The following FSTL5 variants were observed in gnomAD, a reference collection of about 807,000 sequenced individuals.
FSTL5 encodes follistatin like 5, also known as follistatin-related protein 5.
In FSTL5, 62 loss-of-function variants were observed where a neutral mutation model predicts 89.1. The observed-to-expected ratio is 0.70, with a 90% confidence interval of 0.57 to 0.86. FSTL5 has a LOEUF of 0.86. FSTL5 is among the 40% of genes least tolerant of loss of function. The pLI is 0.00. For synonymous variants in FSTL5, 383 were observed against 346.2 expected (o/e 1.11, Z -1.18); for missense variants, 1,057 against 1,001.6 (o/e 1.06, Z -0.75).
intron 8 of FSTL5, among the ~76,000 whole-genome samples, chr4:161,577,995 G>A (rs1009851967): frequency 6.6e-6 from 1 of 151,600 alleles, no homozygotes; most frequent in Non-Finnish European, 1.5e-5. Flanking sequence ...CTTTTTTAAA[G>A]TCTCAAAAAG....
At chr4:162,075,105 A>G (rs747009528) in intron 2 of FSTL5, among the ~76,000 whole-genome samples, 3 of 151,754 alleles carry the variant, frequency 2.0e-5, no homozygotes, top group Non-Finnish European at 4.4e-5. Context: ...TTAATATACA[A>G]TTTGGCCAAC....
chr4:161,697,055 G>A (rs543568808), intron 6 of FSTL5, among the ~76,000 whole-genome samples: 1 of 152,248 alleles, frequency 6.6e-6, no homozygotes, highest in Non-Finnish European at 1.5e-5. Flanking sequence ...AAGCCATTAA[G>A]TCAGCCTCTG....
chr4:162,024,525 T>C (rs372055471), intron 3 of FSTL5, among the ~76,000 whole-genome samples: 1 of 152,188 alleles, frequency 6.6e-6, no homozygotes, highest in East Asian at 1.9e-4. Flanking sequence ...AAGCTAACAT[T>C]ACCACAACAT....
At position 162,010,799 on chromosome 4, in the gene FSTL5, T is replaced by C. The variant is rs80319337; in HGVS notation, c.160+22826A>G. On this transcript the variant is annotated intron_variant, in intron 3 of 15. Transcript: ENST00000306100. ...CCTCATTTTTTATTACTGAATATTATACCATTGAATTAATACACCATATAT... is the reference window on the plus strand; with the variant it reads ...CCTCATTTTTTATTACTGAATATTACACCATTGAATTAATACACCATATAT... Among the ~76,000 whole-genome samples, 1,058 of 152,358 alleles carry C rather than the reference T, an allele frequency of 6.9e-3. 9 individuals carry two copies. Among genetic ancestry groups the C allele is most frequent in the African/African-American group, 0.024 (1,010 of 41,582 alleles).
At chr4:162,086,903 T>C (rs1425908738) in intron 2 of FSTL5, among the ~76,000 whole-genome samples, 1 of 152,116 alleles carries the variant, frequency 6.6e-6, no homozygotes, top group African/African-American at 2.4e-5. Flanking sequence ...AGTGTGTAAA[T>C]AATATTTTAC....
chr4:161,827,822 T>G (rs1037080006), intron 4 of FSTL5, among the ~76,000 whole-genome samples: 8 of 152,222 alleles, frequency 5.3e-5, no homozygotes, highest in African/African-American at 1.7e-4. Context: ...GCACAGAGTT[T>G]GTTTCCGGGC....
chr4:161,779,805 A>ATGTG (rs1741583722), intron 4 of FSTL5, among the ~76,000 whole-genome samples: 1 of 55,594 alleles, frequency 1.8e-5, no homozygotes, highest in East Asian at 5.0e-4. Context: ...ATATATATAT[A>ATGTG]TATATGTATA....
intron 3 of FSTL5, among the ~76,000 whole-genome samples, chr4:161,997,690 C>T (rs527609855): frequency 1.1e-4 from 16 of 151,036 alleles, no homozygotes; most frequent in Non-Finnish European, 1.8e-4. Flanking sequence ...CTGCAAGCTC[C>T]GCCTCCCGGG....
chr4:161,965,073 G>A lies in FSTL5; in HGVS notation c.161-44421C>T, dbSNP rs188362200. Among the ~76,000 whole-genome samples, 18 of 152,052 alleles carry A rather than the reference G, an allele frequency of 1.2e-4. No individual in the cohort carries two copies. The East Asian group carries it at 1.9e-3, about 16-fold the overall frequency. Reference sequence around the variant, plus strand: ...ACAGCTAAAAGGGAACTGATAATTCGTAAGCATACATTAATTGTTTTCAAT... The same window carrying A: ...ACAGCTAAAAGGGAACTGATAATTCATAAGCATACATTAATTGTTTTCAAT... On this transcript the variant is annotated intron_variant, in intron 3 of 15. Coordinates refer to ENST00000306100, the MANE Select transcript of FSTL5 (RefSeq NM_020116.5).
At chr4:161,459,352 A>G in intron 13 of FSTL5, 33 bp from the exon 14 acceptor site, 1 of 1,385,970 alleles carries the variant, frequency 7.2e-7, no homozygotes, top group Non-Finnish European at 1.0e-6. Flanking sequence ...AAAATGTTTT[A>G]GACTAAACTA....
At position 162,114,549 on chromosome 4, in the gene FSTL5, CA is replaced by C. The variant is rs1731563915; in HGVS notation, c.-16-3138del. ...GTGTGGACACACACACACACACACACACACACACACACACACACATATTCTA... is the reference window on the plus strand; with the variant it reads ...GTGTGGACACACACACACACACACACCACACACACACACACACATATTCTA... On this transcript the variant is annotated intron_variant, in intron 1 of 15. Transcript: ENST00000306100. Among the ~76,000 whole-genome samples, 10 of 151,624 alleles carry C rather than the reference CA, an allele frequency of 6.6e-5. No homozygotes were observed. In the South Asian group the frequency reaches 2.1e-3, roughly 32 times the overall value.
intron 2 of FSTL5, among the ~76,000 whole-genome samples, chr4:162,101,346 G>A (rs957754581): frequency 6.6e-6 from 1 of 152,174 alleles, no homozygotes; most frequent in South Asian, 2.1e-4. Flanking sequence ...GTTTTATTCA[G>A]TACTTCATGT....
At position 161,888,572 on chromosome 4, in the gene FSTL5, G is replaced by GT. The variant is rs1485479229; in HGVS notation, c.409+31831dup. 2.6e-5 allele frequency among the ~76,000 whole-genome samples: 4 copies of GT among 152,176 alleles called. No homozygotes were observed. In the East Asian group the frequency reaches 5.8e-4, roughly 22 times the overall value. On this transcript the variant is annotated intron_variant, in intron 4 of 15. Coordinates refer to ENST00000306100, the MANE Select transcript of FSTL5 (RefSeq NM_020116.5). ...GTACCCTTGGTATTTTCAGGAGAGG[G>GT]TTTTATCAGAAATTTCACTGACATT...
chr4:161,794,548 C>T (rs1035762909), intron 4 of FSTL5, among the ~76,000 whole-genome samples: 1 of 152,178 alleles, frequency 6.6e-6, no homozygotes, highest in Non-Finnish European at 1.5e-5. Flanking sequence ...GTATCATTCA[C>T]TTTTAATGCC....
chr4:161,559,101 G>A (rs12503855), intron 8 of FSTL5, among the ~76,000 whole-genome samples: 11,409 of 151,738 alleles, frequency 0.075, 783 homozygotes, highest in East Asian at 0.32. Flanking sequence ...TGCATTCTCC[G>A]TTTCTCAGAT....
chr4:161,460,007 A>G (rs1733503302), intron 13 of FSTL5, among the ~76,000 whole-genome samples: 1 of 151,612 alleles, frequency 6.6e-6, no homozygotes, highest in South Asian at 2.1e-4. Flanking sequence ...TCAGAAAACA[A>G]AGTGATGCCA....
At chr4:161,932,022 C>G (rs971493786) in intron 3 of FSTL5, among the ~76,000 whole-genome samples, 2 of 151,804 alleles carry the variant, frequency 1.3e-5, no homozygotes, top group South Asian at 4.2e-4. Context: ...GGTTACGGGA[C>G]TATTTAGAGT....
chr4:161,848,496 A>T (rs1287486780), intron 4 of FSTL5, among the ~76,000 whole-genome samples: 1 of 152,222 alleles, frequency 6.6e-6, no homozygotes, highest in East Asian at 1.9e-4. Context: ...GTGCTTAAAG[A>T]ATTCTTAATA....
intron 15 of FSTL5, among the ~76,000 whole-genome samples, chr4:161,448,966 A>T (rs1202232172): frequency 6.6e-6 from 1 of 151,946 alleles, no homozygotes; most frequent in Non-Finnish European, 1.5e-5. Context: ...TGGGGAGGGT[A>T]GGCATGTTAT....
Sources: gnomAD v4.1 joint callset for allele counts (sites outside exome capture counted in the v4.1 genomes callset) on GRCh38, gnomAD v4.1.1 for gene constraint, MANE v1.5 for transcripts, NCBI Gene and HGNC (gene_info 2026-07-23, HGNC 2026-07-21) for gene names.